The following ZGRF1 variants were observed in gnomAD, a reference collection of about 807,000 sequenced individuals.
ZGRF1 encodes the protein 5'-3' DNA helicase ZGRF1.
In ZGRF1, 196 loss-of-function variants were observed where a neutral mutation model predicts 203.5. The ratio of observed to expected loss-of-function variants is 0.96; its 90% CI spans 0.86 to 1.08. The LOEUF is 1.08. Among genes scored for constraint, ZGRF1 ranks in the 50% least tolerant of loss-of-function variants. The pLI is 0.00. For missense variants in ZGRF1, 2,326 were observed against 2,416.3 expected (o/e 0.96, Z 0.78); for synonymous variants, 809 against 841.3 (o/e 0.96, Z 0.66).
intron 24 of ZGRF1, among the ~76,000 whole-genome samples, chr4:112,545,413 T>C (rs1418486242): frequency 6.6e-6 from 1 of 152,166 alleles, no homozygotes; most frequent in Non-Finnish European, 1.5e-5. Flanking sequence ...TCATTAGTCT[T>C]TAGGGAAACC....
At chr4:112,633,527 G>A (rs554513351) in intron 1 of ZGRF1, among the ~76,000 whole-genome samples, 1 of 152,174 alleles carries the variant, frequency 6.6e-6, no homozygotes, top group Non-Finnish European at 1.5e-5. Flanking sequence ...CAGAAAACAC[G>A]AATTTGTCCT....
intron 16 of ZGRF1, among the ~76,000 whole-genome samples, chr4:112,573,021 G>A (rs1323976436): frequency 2.6e-5 from 4 of 152,080 alleles, no homozygotes; most frequent in African/African-American, 9.7e-5. Context: ...ACTACCATTT[G>A]ATCCAACAAT....
In ZGRF1 at chr4:112,617,756, A is replaced by G; in HGVS notation, c.2286T>C (p.Asn762=). The change falls in exon 6 of 28, where the codon AAT becomes AAC. Residue 762 remains asparagine (N), a synonymous_variant. Transcript: ENST00000505019. ...TTTTTCCCAGTGGGTAAAACAAAGA[A>G]TTGGAAATGTGGGTATTTGATTTAT... ...ALDKSNTHIS[N]SLFYPLGKKH... 2 of 1,614,126 alleles carry G rather than the reference A, an allele frequency of 1.2e-6. No individual in the cohort carries two copies. Among genetic ancestry groups the G allele is most frequent in the East Asian group, 4.5e-5 (2 of 44,868 alleles).
rs76635033 is a variant in ZGRF1, at chr4:112,558,868, T to A, written c.4961-559A>T. Among the ~76,000 whole-genome samples the A allele has an allele frequency of 5.3e-3, 806 of 152,318 alleles. 10 individuals carry two copies. Among genetic ancestry groups the A allele is most frequent in the African/African-American group, 0.018 (765 of 41,570 alleles). ...ATTAGAAATAAGATGGTAAGTAATA[T>A]TATCTTGGATCAGAGAAGGAAGAAA... On this transcript the variant is annotated intron_variant, in intron 19 of 27. Coordinates refer to ENST00000505019, the MANE Select transcript of ZGRF1 (RefSeq NM_018392.5).
chr4:112,585,840 G>A, intron 13 of ZGRF1, 115 bp from the exon 14 acceptor site: 2 of 558,798 alleles, frequency 3.6e-6, no homozygotes, highest in Non-Finnish European at 2.7e-6. Context: ...TCATATAATA[G>A]GAATATCCGT....
rs867732622 is a variant in ZGRF1 at position 112,553,906 on chromosome 4, T to C, written c.5275A>G (p.Thr1759Ala). Reference protein sequence around the residue: ...HALMKEDLTPTERVYVRKSIE... With the variant: ...HALMKEDLTPAERVYVRKSIE... ...CTTTTTCTCACATAGACTCTTTCCG[T>C]AGGAGTCAGGTCTTCTTTCATTAGT... Residue 1759 changes from threonine to alanine, a missense_variant, in exon 22 of 28, where the codon ACG (threonine) becomes GCG (alanine). Physicochemically the swap from Thr to Ala is moderately conservative, Grantham distance 58. Coordinates refer to ENST00000505019, the MANE Select transcript of ZGRF1 (RefSeq NM_018392.5). 3.1e-6 allele frequency: 5 copies of C among 1,613,592 alleles called. No individual in the cohort carries two copies. The highest frequency in any genetic ancestry group is 1.6e-4 in the Middle Eastern group (1 of 6,080).
intron 10 of ZGRF1, among the ~76,000 whole-genome samples, chr4:112,592,906 C>T (rs1748417580): frequency 6.6e-6 from 1 of 152,120 alleles, no homozygotes; most frequent in African/African-American, 2.4e-5. Flanking sequence ...AGAGTGGGGC[C>T]CTTACCCAAC....
chr4:112,540,191 C>T, intron 26 of ZGRF1, 67 bp from the exon 27 acceptor site: 1 of 1,140,968 alleles, frequency 8.8e-7, no homozygotes, highest in Non-Finnish European at 1.2e-6. Context: ...TGAACCTGCT[C>T]AAAGCAACCA....
chr4:112,618,626 A>G lies in ZGRF1; in HGVS notation c.1416T>C (p.Tyr472=). 6.2e-7 allele frequency: 1 copy of G among 1,613,428 alleles called. No individual in the cohort carries two copies. Among genetic ancestry groups the G allele is most frequent in the Non-Finnish European group, 8.5e-7 (1 of 1,179,676 alleles). ...VNTCGTLEKE[Y]EQSESSLPEL... ...CTGGCAGAGATGACTCTGATTGTTC[A>G]TACTCCTTTTCCAGTGTTCCACATG... is the stretch of plus-strand genomic sequence containing the variant. Residue 472 remains tyrosine (Y), a synonymous_variant, in exon 6 of 28, where the codon TAT becomes TAC. Transcript: ENST00000505019.
chr4:112,545,454 A>G (rs915051735), intron 24 of ZGRF1, among the ~76,000 whole-genome samples: 5 of 152,188 alleles, frequency 3.3e-5, no homozygotes, highest in Admixed American at 3.3e-4. Flanking sequence ...ACCCATTAGG[A>G]TGGCTATGAT....
At chr4:112,593,164 T>C (rs2149050496) in intron 10 of ZGRF1, among the ~76,000 whole-genome samples, 1 of 152,340 alleles carries the variant, frequency 6.6e-6, no homozygotes, top group East Asian at 1.9e-4. Context: ...AGCAAACTAA[T>C]ACACTTCCCC....
At chr4:112,609,866 C>T (rs1751327479) in intron 7 of ZGRF1, among the ~76,000 whole-genome samples, 1 of 151,920 alleles carries the variant, frequency 6.6e-6, no homozygotes, top group South Asian at 2.1e-4. Context: ...ACTGGCCAGG[C>T]ATTGTGGCTC....
intron 13 of ZGRF1, 123 bp downstream of exon 13, chr4:112,586,322 C>A: frequency 5.7e-6 from 4 of 706,050 alleles, no homozygotes; most frequent in Admixed American, 7.4e-5. Context: ...CTGTCAAAAA[C>A]TAGAACATAT....
At chr4:112,540,157 G>C in intron 26 of ZGRF1, 33 bp from the exon 27 acceptor site, 2 of 1,470,734 alleles carry the variant, frequency 1.4e-6, no homozygotes, top group South Asian at 3.0e-5. Context: ...CATGTAGTAA[G>C]AGATTGTGAA....
intron 10 of ZGRF1, among the ~76,000 whole-genome samples, chr4:112,591,403 C>T (rs1470778826): frequency 6.6e-6 from 1 of 152,204 alleles, no homozygotes; most frequent in Non-Finnish European, 1.5e-5. Flanking sequence ...CTCTGTTCCC[C>T]TACTACCCTC....
chr4:112,623,727 A>G, intron 4 of ZGRF1, 90 bp downstream of exon 4: 1 of 693,334 alleles, frequency 1.4e-6, no homozygotes, highest in Non-Finnish European at 2.5e-6. Flanking sequence ...TAGTATTAAT[A>G]TTATGACTAC....
rs779635105 is a variant in ZGRF1, at chr4:112,553,905, G to A, written c.5276C>T (p.Thr1759Met). 1.5e-5 allele frequency: 24 copies of A among 1,613,466 alleles called. No homozygotes were observed. Among genetic ancestry groups the A allele is most frequent in the South Asian group, 1.3e-4 (12 of 91,002 alleles). The change falls in exon 22 of 28, where the codon ACG (threonine) becomes ATG (methionine). Residue 1759 changes from threonine (T) to methionine (M), a missense_variant. By Grantham distance (81) the Thr-to-Met change is moderately conservative. Coordinates refer to ENST00000505019, the MANE Select transcript of ZGRF1 (RefSeq NM_018392.5). ...GCTTTTTCTCACATAGACTCTTTCC[G>A]TAGGAGTCAGGTCTTCTTTCATTAG... Reference protein sequence around the residue: ...HALMKEDLTPTERVYVRKSIE... With the variant: ...HALMKEDLTPMERVYVRKSIE...
chr4:112,634,404 C>T (rs1406970831), intron 1 of ZGRF1, among the ~76,000 whole-genome samples: 3 of 152,198 alleles, frequency 2.0e-5, no homozygotes, highest in African/African-American at 7.2e-5. Context: ...GATCCCAGCA[C>T]TTTGGGAGGC....
intron 22 of ZGRF1, among the ~76,000 whole-genome samples, chr4:112,551,294 T>C (rs1039293457): frequency 1.3e-5 from 2 of 152,242 alleles, no homozygotes; most frequent in African/African-American, 2.4e-5. Context: ...AAGTACACTA[T>C]GACGTTCACA....
Sources: allele counts gnomAD v4.1 joint callset (sites outside exome capture counted in the v4.1 genomes callset), GRCh38; gene constraint gnomAD v4.1.1; transcripts MANE v1.5; gene names NCBI Gene and HGNC (gene_info 2026-07-23, HGNC 2026-07-21).